GAS2: variants seen among roughly 807,000 people sequenced by gnomAD.
GAS2 encodes growth arrest specific 2.
Under a neutral mutation model 37.5 loss-of-function variants are expected in GAS2, and 20 were observed. The observed-to-expected ratio is 0.53, with a 90% CI of 0.37 to 0.77. The LOEUF is 0.77. Among genes scored for constraint, GAS2 ranks in the 30% least tolerant of loss-of-function variants. The pLI is 0.00. For synonymous variants in GAS2, 144 were observed against 132.2 expected (o/e 1.09, Z -0.61); for missense variants, 336 against 373.4 (o/e 0.90, Z 0.82).
chr11:22,743,562 G>A (rs1329759597), intron 5 of GAS2, among the ~76,000 whole-genome samples: 1 of 152,054 alleles, frequency 6.6e-6, no homozygotes, highest in African/African-American at 2.4e-5. Context: ...AATGTCAGAT[G>A]CATTGAAGAT....
At chr11:22,639,384 G>A (rs769583330) in intron 1 of GAS2, among the ~76,000 whole-genome samples, 1 of 152,154 alleles carries the variant, frequency 6.6e-6, no homozygotes, top group Non-Finnish European at 1.5e-5. Context: ...GAAGCAGCAA[G>A]AAGGTCCTCA....
At position 22,726,361 on chromosome 11, in the gene GAS2, A is replaced by G. The variant is rs775511146; in HGVS notation, c.337A>G (p.Thr113Ala). 1.9e-6 allele frequency: 3 copies of G among 1,612,874 alleles called. No homozygotes were observed. In the African/African-American group the frequency reaches 4.0e-5, roughly 22 times the overall value. Residue 113 changes from threonine (T) to alanine (A), a missense_variant, in exon 4 of 8, where the codon ACA (threonine) becomes GCA (alanine). Physicochemically the swap from Thr to Ala is moderately conservative, Grantham distance 58. Transcript: ENST00000454584. ...GGGCTCCTTTTTTGCCAGAGACAAT[A>G]CAGCAAATTTCTTATCCTGGTGCCG... ...PSGSFFARDN[T>A]ANFLSWCRDL... is the part of the protein sequence containing the mutation.
intron 3 of GAS2, among the ~76,000 whole-genome samples, chr11:22,713,561 A>G (rs1401859114): frequency 6.6e-6 from 1 of 152,140 alleles, no homozygotes; most frequent in Non-Finnish European, 1.5e-5. Flanking sequence ...ATAGTCATCA[A>G]GTTATCTAAA....
chr11:22,643,778 A>G lies in GAS2; in HGVS notation c.-21+17965A>G, dbSNP rs117439697. ...ATTTCATATAGAAGAGTTCTATAAT[A>G]ATGTCTGGATCCCTTTATTTTTATC... On this transcript the variant is annotated intron_variant, in intron 1 of 5. Coordinates refer to the GAS2 transcript ENST00000528582. Among the ~76,000 whole-genome samples, 549 of 152,186 alleles carry G rather than the reference A, an allele frequency of 3.6e-3. 4 individuals carry two copies. Among genetic ancestry groups the G allele is most frequent in the South Asian group, 0.01 (50 of 4,822 alleles).
At chr11:22,698,380 G>T (rs1850653300) in intron 3 of GAS2, among the ~76,000 whole-genome samples, 2 of 151,910 alleles carry the variant, frequency 1.3e-5, no homozygotes, top group South Asian at 4.2e-4. Flanking sequence ...ATAATCAATA[G>T]CTTACCAACC....
At chr11:22,658,807 C>T (rs1848884106) in intron 1 of GAS2, among the ~76,000 whole-genome samples, 1 of 152,136 alleles carries the variant, frequency 6.6e-6, no homozygotes, top group South Asian at 2.1e-4. Context: ...CTCCTCTCCT[C>T]TCATTTATTG....
At chr11:22,652,569 C>T (rs12285380) in intron 1 of GAS2, among the ~76,000 whole-genome samples, 8 of 152,150 alleles carry the variant, frequency 5.3e-5, no homozygotes, top group African/African-American at 1.4e-4. Context: ...TAGCAATCAG[C>T]GAGACTCCGT....
chr11:22,783,804 C>T lies in GAS2; in HGVS notation c.723+27851C>T, dbSNP rs150129457. Reference sequence around the variant, plus strand: ...GAGACATATTTAAGTCTTTAATCCACCTTGGGTGTTTTTTTGTATATGTGT... The same window carrying T: ...GAGACATATTTAAGTCTTTAATCCATCTTGGGTGTTTTTTTGTATATGTGT... On this transcript the variant is annotated intron_variant, in intron 7 of 7. Coordinates refer to ENST00000454584, the MANE Select transcript of GAS2 (RefSeq NM_001143830.3). Among the ~76,000 whole-genome samples, 988 of 152,206 alleles carry T rather than the reference C, an allele frequency of 6.5e-3. 8 individuals carry two copies. The highest frequency in any genetic ancestry group is 0.022 in the African/African-American group (933 of 41,532).
At chr11:22,634,702 G>A (rs1858797427) in intron 1 of GAS2, among the ~76,000 whole-genome samples, 1 of 152,042 alleles carries the variant, frequency 6.6e-6, no homozygotes, top group Non-Finnish European at 1.5e-5. Context: ...GATGGTGCTG[G>A]GGAATGTCTG....
chr11:22,789,454 A>ATAT (rs1564889924), intron 7 of GAS2, among the ~76,000 whole-genome samples: 4 of 61,206 alleles, frequency 6.5e-5, no homozygotes, highest in Admixed American at 2.1e-4. Flanking sequence ...ATATATATAT[A>ATAT]TTCTTTTTTT....
At chr11:22,649,418 G>A (rs1419723508) in intron 1 of GAS2, among the ~76,000 whole-genome samples, 2 of 152,062 alleles carry the variant, frequency 1.3e-5, no homozygotes, top group Non-Finnish European at 2.9e-5. Context: ...GTATCAGGAT[G>A]ATGCTGGCCT....
chr11:22,756,399 A>G lies in GAS2; in HGVS notation c.723+446A>G, dbSNP rs11026768. 2.1e-3 allele frequency among the ~76,000 whole-genome samples: 313 copies of G among 152,278 alleles called. 9 individuals are homozygous for G. In the East Asian group the frequency reaches 0.05, roughly 25 times the overall value. ...CTGCTTTATGGTTTAGTCATTTCTA[A>G]AGGAACAGAGGTTGTGATGTTTTTT... On this transcript the variant is annotated intron_variant, in intron 7 of 7. Coordinates refer to ENST00000454584, the MANE Select transcript of GAS2 (RefSeq NM_001143830.3).
chr11:22,657,327 A>C (rs1255051179), intron 1 of GAS2, among the ~76,000 whole-genome samples: 1 of 152,184 alleles, frequency 6.6e-6, no homozygotes, highest in Admixed American at 6.5e-5. Context: ...TATGGCAAAC[A>C]AGGTGGGGTT....
intron 7 of GAS2, among the ~76,000 whole-genome samples, chr11:22,759,564 T>C (rs898723001): frequency 4.6e-5 from 7 of 152,236 alleles, no homozygotes; most frequent in African/African-American, 7.2e-5. Flanking sequence ...TTTTGAACTA[T>C]CAAATGCAGC....
chr11:22,662,255 T>A (rs549423928), upstream of GAS2, among the ~76,000 whole-genome samples: 30 of 152,346 alleles, frequency 2.0e-4, no homozygotes, highest in Non-Finnish European at 3.7e-4. Context: ...AGCATCTGTT[T>A]TAGTGAACTC....
intron 7 of GAS2, among the ~76,000 whole-genome samples, chr11:22,784,763 T>C (rs958165284): frequency 2.0e-5 from 3 of 152,200 alleles, no homozygotes; most frequent in Admixed American, 2.0e-4. Context: ...AAATCCTCTG[T>C]GTATCTTCCC....
Position 22,674,875 on chromosome 11 carries a change from C to T in GAS2, c.6C>T (p.Cys2=). The T allele has an allele frequency of 6.2e-7, 1 of 1,603,838 alleles. No individual in the cohort carries two copies. Among genetic ancestry groups the T allele is most frequent in the Admixed American group, 1.7e-5 (1 of 57,972 alleles). M[C]TALSPKVRSG... ...GTATTACAAGTGGATAAATAATGTG[C>T]ACTGCTCTGAGCCCAAAGGTACGCA... Residue 2 remains cysteine, a synonymous_variant, in exon 2 of 8, where the codon TGC becomes TGT. Transcript: ENST00000454584.
intron 1 of GAS2, among the ~76,000 whole-genome samples, chr11:22,645,688 A>C (rs1848682391): frequency 6.6e-6 from 1 of 151,992 alleles, no homozygotes; most frequent in Non-Finnish European, 1.5e-5. Flanking sequence ...AAATAAATAA[A>C]GAATGTCAAA....
At position 22,812,428 on chromosome 11, in the gene GAS2, CTTTTTT is replaced by C; in HGVS notation, c.*425_*430del. 7.3e-6 allele frequency: 1 copy of C among 136,756 alleles called. No homozygotes were observed. Among genetic ancestry groups the C allele is most frequent in the East Asian group, 2.1e-4 (1 of 4,716 alleles). 8.5% of individuals were successfully genotyped at this position (136,756 alleles called of 1,614,324 possible). ...TTTTTATAATTGCAAGATTTTTATG[CTTTTTT>C]TTTTTTTTTTTTACAAAATGATGAT... On this transcript the variant is annotated 3_prime_UTR_variant, in exon 8 of 8. Coordinates refer to ENST00000454584, the MANE Select transcript of GAS2 (RefSeq NM_001143830.3).
Sources: gnomAD v4.1 joint callset for allele counts (sites outside exome capture counted in the v4.1 genomes callset) on GRCh38, gnomAD v4.1.1 for gene constraint, MANE v1.5 for transcripts, NCBI Gene and HGNC (gene_info 2026-07-23, HGNC 2026-07-21) for gene names.